Variants in KIF24 observed in about 807,000 individuals in gnomAD.
The protein encoded by KIF24 is kinesin family member 24.
In KIF24, 81 loss-of-function variants were observed where a neutral mutation model predicts 118.9. The ratio of observed to expected loss-of-function variants is 0.68; its 90% CI spans 0.57 to 0.82. The LOEUF (loss-of-function observed/expected upper bound fraction) is 0.82. Among genes scored for constraint, KIF24 ranks in the 40% least tolerant of loss-of-function variants. KIF24 has a pLI of 0.00. For synonymous variants in KIF24, 599 were observed against 610.0 expected, an observed-to-expected ratio of 0.98 and a Z score of 0.27; for missense variants, 1,560 against 1,661.6, an observed-to-expected ratio of 0.94 and a Z score of 1.06.
In KIF24 at chr9:34,265,137, T is replaced by G. The variant is rs577512578; in HGVS notation, c.1444-1965A>C. 3.3e-5 allele frequency among the ~76,000 whole-genome samples: 5 copies of G among 152,300 alleles called. No homozygotes were observed. In the South Asian group the frequency reaches 8.3e-4, roughly 25 times the overall value. On this transcript the variant is annotated intron_variant, in intron 8 of 12. Coordinates refer to ENST00000402558, the MANE Select transcript of KIF24 (RefSeq NM_194313.4). ...TCTTTGAATGTGGCTTATTTTACAATTTTTACTTTAAAACCACATAATTTT... is the reference window on the plus strand; with the variant it reads ...TCTTTGAATGTGGCTTATTTTACAAGTTTTACTTTAAAACCACATAATTTT...
chr9:34,278,178 G>T (rs1487410814), intron 6 of KIF24, among the ~76,000 whole-genome samples: 2 of 152,072 alleles, frequency 1.3e-5, no homozygotes, highest in African/African-American at 4.8e-5. Context: ...GGAGGCCGAG[G>T]TGAGTGGATC....
Position 34,286,524 on chromosome 9 carries a change from A to G in KIF24, c.1215+93T>C, listed in dbSNP as rs373867547. 251 of 840,398 alleles carry G rather than the reference A, an allele frequency of 3.0e-4. 4 individuals are homozygous for G. The South Asian group carries it at 3.4e-3, about 11-fold the overall frequency. 52.1% of individuals were successfully genotyped at this position (840,398 alleles called of 1,614,324 possible). On this transcript the variant is annotated intron_variant, in intron 6 of 12. Transcript: ENST00000402558. ...GCTTGTCATTGCCCTTTGCCTAAATATAAGTCCACAGTACTTGCTTAGTAG... is the reference window on the plus strand; with the variant it reads ...GCTTGTCATTGCCCTTTGCCTAAATGTAAGTCCACAGTACTTGCTTAGTAG...
At chr9:34,331,501 C>G (rs1227123645), upstream of KIF24, among the ~76,000 whole-genome samples, 1 of 152,106 alleles carries the variant, frequency 6.6e-6, no homozygotes, top group Admixed American at 6.6e-5. Context: ...GTGTTTCTGA[C>G]TAAAGGAGGA....
chr9:34,264,998 G>A (rs943661845), intron 8 of KIF24, among the ~76,000 whole-genome samples: 1 of 152,084 alleles, frequency 6.6e-6, no homozygotes, highest in African/African-American at 2.4e-5. Flanking sequence ...TTGAGAGTAT[G>A]TTAGCATTTT....
At chr9:34,276,486 C>G (rs918988292) in intron 6 of KIF24, among the ~76,000 whole-genome samples, 1 of 149,878 alleles carries the variant, frequency 6.7e-6, no homozygotes, top group African/African-American at 2.5e-5. Context: ...TCATATTGAA[C>G]ATAGTCACAG....
At chr9:34,269,440 G>C in intron 7 of KIF24, 78 bp from the exon 8 acceptor site, 1 of 698,848 alleles carries the variant, frequency 1.4e-6, no homozygotes. Context: ...TATTTTTTGA[G>C]ACGGAGTCTC....
chr9:34,264,799 C>T (rs1194927628), intron 8 of KIF24, among the ~76,000 whole-genome samples: 1 of 152,060 alleles, frequency 6.6e-6, no homozygotes, highest in Non-Finnish European at 1.5e-5. Context: ...TCCCAACTTA[C>T]CCCTCATGAA....
chr9:34,298,706 T>G (rs1405341188), intron 3 of KIF24, among the ~76,000 whole-genome samples: 1 of 152,168 alleles, frequency 6.6e-6, no homozygotes, highest in Non-Finnish European at 1.5e-5. Context: ...AAGGATGATT[T>G]CAGTCTTTAC....
chr9:34,321,658 G>A (rs1671199718), intron 1 of KIF24, among the ~76,000 whole-genome samples: 1 of 143,010 alleles, frequency 7.0e-6, no homozygotes, highest in African/African-American at 2.6e-5. Context: ...CCAGGCTGGA[G>A]TACAGTGGTG....
chr9:34,277,214 CT>C (rs201117215), intron 6 of KIF24, among the ~76,000 whole-genome samples: 443 of 151,184 alleles, frequency 2.9e-3, no homozygotes, highest in Non-Finnish European at 4.5e-3. Context: ...TCTTACAGGT[CT>C]TTTTTTTTGT....
chr9:34,260,415 G>C (rs1262700377), intron 9 of KIF24, among the ~76,000 whole-genome samples: 1 of 152,014 alleles, frequency 6.6e-6, no homozygotes, highest in African/African-American at 2.4e-5. Context: ...CCTGTACTTA[G>C]GAACACAGAA....
intron 8 of KIF24, 75 bp downstream of exon 8, chr9:34,269,182 T>G: frequency 1.3e-6 from 1 of 794,944 alleles, no homozygotes; most frequent in South Asian, 1.7e-5. Context: ...CCATCCCACA[T>G]TCATCCACTC....
intron 1 of KIF24, among the ~76,000 whole-genome samples, chr9:34,315,539 C>T (rs1380302362): frequency 1.3e-5 from 2 of 152,100 alleles, no homozygotes; most frequent in Non-Finnish European, 2.9e-5. Context: ...GCATTTATGA[C>T]ATACATACTC....
At chr9:34,321,596 A>ATGT (rs1837524562) in intron 1 of KIF24, among the ~76,000 whole-genome samples, 1 of 130,230 alleles carries the variant, frequency 7.7e-6, no homozygotes, top group Non-Finnish European at 1.6e-5. Flanking sequence ...ATACATACAT[A>ATGT]CTTCTTCTTT....
At chr9:34,307,964 A>G (rs1245495702) in intron 2 of KIF24, among the ~76,000 whole-genome samples, 1 of 151,704 alleles carries the variant, frequency 6.6e-6, no homozygotes, top group African/African-American at 2.4e-5. Context: ...TTGATTTTTC[A>G]CAAGAAAAGG....
rs149875499 is a variant in KIF24 at position 34,256,133 on chromosome 9, C to A, written c.3474G>T (p.Glu1158Asp). ...ADLGEACQSRETVLFSHEHMG... is the reference protein window; with the variant it reads ...ADLGEACQSRDTVLFSHEHMG... ...TGTGTTCGTGGGAGAAAAGTACAGT[C>A]TCTCTGCTCTGGCAGGCCTCTCCTA... Residue 1158 changes from glutamate (E) to aspartate (D), a missense_variant, in exon 11 of 13, where the codon GAG (glutamate) becomes GAT (aspartate). By Grantham distance (45) the Glu-to-Asp change is conservative. Coordinates refer to ENST00000402558, the MANE Select transcript of KIF24 (RefSeq NM_194313.4). 455 of 1,608,502 alleles carry A rather than the reference C, an allele frequency of 2.8e-4. No individual in the cohort carries two copies. The African/African-American group carries it at 5.4e-3, about 19-fold the overall frequency.
intron 4 of KIF24, 51 bp from the exon 5 acceptor site, chr9:34,290,440 T>TGCATA: frequency 1.7e-6 from 2 of 1,173,108 alleles, no homozygotes; most frequent in Admixed American, 4.5e-5. Context: ...GAAGTATTAG[T>TGCATA]TTACCCATAG....
intron 4 of KIF24, among the ~76,000 whole-genome samples, chr9:34,291,381 A>G (rs1054952657): frequency 5.9e-5 from 9 of 152,330 alleles, no homozygotes; most frequent in Admixed American, 4.6e-4. Flanking sequence ...CTGCCCTACC[A>G]TTAACTAACC....
In KIF24 at chr9:34,257,510, C is replaced by T. The variant is rs1324715470; in HGVS notation, c.2097G>A (p.Leu699=). 7 of 1,613,964 alleles carry T rather than the reference C, an allele frequency of 4.3e-6. No homozygotes were observed. Among genetic ancestry groups the T allele is most frequent in the Non-Finnish European group, 5.9e-6 (7 of 1,179,908 alleles). ...GPGEGLVRGK[L]STKCKKVQTV... The stretch of plus-strand genomic sequence containing the variant: ...TCTGCACTTTCTTGCACTTGGTGGA[C>T]AGCTTACCACGCACTAGGCCTTCTC... The change falls in exon 11 of 13, where the codon CTG becomes CTA. Residue 699 remains leucine, a synonymous_variant. Coordinates refer to ENST00000402558, the MANE Select transcript of KIF24 (RefSeq NM_194313.4).
Sources: gnomAD v4.1 joint callset for allele counts (sites outside exome capture counted in the v4.1 genomes callset) on GRCh38, gnomAD v4.1.1 for gene constraint, MANE v1.5 for transcripts, NCBI Gene and HGNC (gene_info 2026-07-23, HGNC 2026-07-21) for gene names.